TJP2: variants seen among roughly 807,000 people sequenced by gnomAD.
TJP2 encodes the protein Friedreich ataxia region gene X104 (tight junction protein ZO-2).
In TJP2, 91 loss-of-function variants were observed where a neutral mutation model predicts 133.1. The ratio of observed to expected loss-of-function variants is 0.68; its 90% CI spans 0.58 to 0.81. The LOEUF is 0.81. Among genes scored for constraint, TJP2 ranks in the 40% least tolerant of loss-of-function variants. The pLI, the probability that TJP2 is intolerant of heterozygous loss-of-function variation, is 0.00. For missense variants in TJP2, 1,541 were observed against 1,565.6 expected, an observed-to-expected ratio of 0.98 and a Z score of 0.26; for synonymous variants, 592 against 583.4, an observed-to-expected ratio of 1.01 and a Z score of -0.21.
intron 1 of TJP2, among the ~76,000 whole-genome samples, chr9:69,193,478 C>T (rs771616448): frequency 6.8e-6 from 1 of 148,016 alleles, no homozygotes; most frequent in Non-Finnish European, 1.5e-5. Context: ...CAAGTACGGA[C>T]TTTTTGAGAG....
chr9:69,204,340 G>A (rs1827231182), intron 1 of TJP2, among the ~76,000 whole-genome samples: 1 of 152,296 alleles, frequency 6.6e-6, no homozygotes, highest in East Asian at 1.9e-4. Flanking sequence ...ATACACTATG[G>A]TAGCAAGAAT....
In TJP2 at chr9:69,228,058, C is replaced by T. The variant is rs1415499134; in HGVS notation, c.1397C>T (p.Ala466Val). 2 of 1,613,884 alleles carry T rather than the reference C, an allele frequency of 1.2e-6. No individual in the cohort carries two copies. The highest frequency in any genetic ancestry group is 1.3e-5 in the African/African-American group (1 of 75,016). The stretch of plus-strand genomic sequence containing the variant: ...CCCTTTAAGTCCACAGGGGATATTG[C>T]AGGCACAGTTGTCCCAGAGACCAAC... The part of the protein sequence containing the change: ...PTPFKSTGDI[A>V]GTVVPETNKE... Residue 466 changes from alanine (A) to valine (V), a missense_variant, in exon 9 of 23, where the codon GCA becomes GTA. By Grantham distance (64) the Ala-to-Val change is moderately conservative. Coordinates refer to ENST00000377245, the MANE Select transcript of TJP2 (RefSeq NM_004817.4).
chr9:69,226,055 A>C lies in TJP2; in HGVS notation c.1090A>C (p.Thr364Pro), dbSNP rs1245764709. The change falls in exon 7 of 23, where the codon ACG becomes CCG. Residue 364 changes from threonine (T) to proline (P), a missense_variant. Thr to Pro is a conservative substitution (Grantham distance 38). Transcript: ENST00000377245. ...GACTGTAACTGAGAACATGTCTTTAACGGATGCTCGAAAATTGATAGAAAA... is the reference window on the plus strand; with the variant it reads ...GACTGTAACTGAGAACATGTCTTTACCGGATGCTCGAAAATTGATAGAAAA... The part of the protein sequence containing the change: ...NGTVTENMSL[T>P]DARKLIEKSR... 1 of 1,614,184 alleles carries C rather than the reference A, an allele frequency of 6.2e-7. No homozygotes were observed. Among genetic ancestry groups the C allele is most frequent in the East Asian group, 2.2e-5 (1 of 44,880 alleles).
chr9:69,153,763 C>G lies in TJP2; in HGVS notation c.-10+1992C>G, dbSNP rs146347514. Among the ~76,000 whole-genome samples the G allele has an allele frequency of 4.5e-3, 693 of 152,324 alleles. 5 individuals are homozygous for G. Among genetic ancestry groups the G allele is most frequent in the Non-Finnish European group, 8.3e-3 (566 of 68,022 alleles). On this transcript the variant is annotated intron_variant, in intron 2 of 5. Coordinates refer to the TJP2 transcript ENST00000423935. Reference sequence around the variant, plus strand: ...CCTCCTGATAAATACCTCCCTTGTTCTGGTTCCCTGTACCTGCACTATGAA... The same window carrying G: ...CCTCCTGATAAATACCTCCCTTGTTGTGGTTCCCTGTACCTGCACTATGAA...
intron 1 of TJP2, among the ~76,000 whole-genome samples, chr9:69,174,974 G>C (rs1333438489): frequency 6.6e-6 from 1 of 151,686 alleles, no homozygotes. Flanking sequence ...CACAAAAGAG[G>C]AGTGTGATGA....
intron 2 of TJP2, among the ~76,000 whole-genome samples, chr9:69,166,838 G>A (rs1187402118): frequency 6.6e-6 from 1 of 152,222 alleles, no homozygotes; most frequent in African/African-American, 2.4e-5. Context: ...TTGGGAGGCT[G>A]AGGTGGAAGG....
chr9:69,176,859 A>G (rs1825129331), intron 1 of TJP2, among the ~76,000 whole-genome samples: 1 of 152,142 alleles, frequency 6.6e-6, no homozygotes, highest in Admixed American at 6.6e-5. Flanking sequence ...AGTTATTGAA[A>G]CTAGGCGGGG....
At chr9:69,179,683 T>G (rs553071568) in intron 1 of TJP2, among the ~76,000 whole-genome samples, 1 of 152,018 alleles carries the variant, frequency 6.6e-6, no homozygotes, top group African/African-American at 2.4e-5. Context: ...GTATTTTTAG[T>G]AGAGACGGGG....
Position 69,221,463 on chromosome 9 carries a change from G to A in TJP2, c.919G>A (p.Gly307Arg), listed in dbSNP as rs755673431. ...PEPRGRPGPI[G>R]VLLMKSRANE... Reference sequence around the variant, plus strand: ...GCCTAGGGGGCGGCCGGGGCCCATCGGGGTCCTCCTGATGAAAAGCAGAGC... The same window carrying A: ...GCCTAGGGGGCGGCCGGGGCCCATCAGGGTCCTCCTGATGAAAAGCAGAGC... The change falls in exon 5 of 23, where the codon GGG (glycine) becomes AGG (arginine). Residue 307 changes from glycine to arginine, a missense_variant. Coordinates refer to ENST00000377245, the MANE Select transcript of TJP2 (RefSeq NM_004817.4). The A allele has an allele frequency of 6.9e-6, 11 of 1,598,766 alleles. No individual in the cohort carries two copies. The Admixed American group carries it at 1.7e-4, about 25-fold the overall frequency.
chr9:69,237,253 G>A, intron 14 of TJP2, 117 bp downstream of exon 14: 9 of 1,236,808 alleles, frequency 7.3e-6, no homozygotes, highest in Non-Finnish European at 8.3e-6. Flanking sequence ...GCCAAAGGCA[G>A]TTTATAGAGT....
chr9:69,168,258 A>G (rs1172573386), intron 2 of TJP2, among the ~76,000 whole-genome samples: 1 of 152,140 alleles, frequency 6.6e-6, no homozygotes, highest in Non-Finnish European at 1.5e-5. Flanking sequence ...TTATACATCT[A>G]TGATTGCTAT....
At chr9:69,231,114 T>C (rs1829744166) in intron 11 of TJP2, among the ~76,000 whole-genome samples, 1 of 125,138 alleles carries the variant, frequency 8.0e-6, no homozygotes, top group Admixed American at 8.9e-5. Context: ...ACTGTTTTTT[T>C]TGTTTTTTTT....
chr9:69,141,198 A>G (rs1477326676), intron 1 of TJP2, among the ~76,000 whole-genome samples: 1 of 152,192 alleles, frequency 6.6e-6, no homozygotes, highest in Non-Finnish European at 1.5e-5. Context: ...AGAATCCATG[A>G]ATTATTATAT....
intron 1 of TJP2, among the ~76,000 whole-genome samples, chr9:69,190,972 G>C (rs1826166214): frequency 6.6e-6 from 1 of 152,076 alleles, no homozygotes; most frequent in Non-Finnish European, 1.5e-5. Context: ...AGACCTCCTG[G>C]AAGCAGGGTG....
chr9:69,226,777 G>A (rs1198098551), intron 7 of TJP2, among the ~76,000 whole-genome samples: 2 of 152,196 alleles, frequency 1.3e-5, no homozygotes, highest in African/African-American at 4.8e-5. Context: ...GATTACAGGC[G>A]TGAGCCACCA....
chr9:69,230,808 C>T (rs1180498796), intron 11 of TJP2, among the ~76,000 whole-genome samples: 1 of 152,212 alleles, frequency 6.6e-6, no homozygotes. Flanking sequence ...GCAGAGTTCC[C>T]TGGCACAGAA....
At chr9:69,181,016 A>G (rs1825457194) in intron 1 of TJP2, among the ~76,000 whole-genome samples, 3 of 152,192 alleles carry the variant, frequency 2.0e-5, no homozygotes, top group Admixed American at 2.0e-4. Context: ...ATAAGCTAGT[A>G]GGAATAAGAG....
chr9:69,216,894 TTAC>T (rs1352496486), intron 3 of TJP2, among the ~76,000 whole-genome samples: 4 of 152,192 alleles, frequency 2.6e-5, no homozygotes, highest in African/African-American at 9.6e-5. Context: ...TTGGGACAAT[TTAC>T]TATAGGAAAA....
intron 1 of TJP2, among the ~76,000 whole-genome samples, chr9:69,182,914 G>A (rs191820360): frequency 2.9e-3 from 430 of 147,432 alleles, no homozygotes; most frequent in African/African-American, 0.01. Context: ...TCAGCCTCCC[G>A]AGTAGTTGGG....
Sources: gnomAD v4.1 joint callset for allele counts (sites outside exome capture counted in the v4.1 genomes callset) on GRCh38, gnomAD v4.1.1 for gene constraint, MANE v1.5 for transcripts, NCBI Gene and HGNC (gene_info 2026-07-23, HGNC 2026-07-21) for gene names.